The following SND1 variants were observed in gnomAD, a reference collection of about 807,000 sequenced individuals.
SND1 encodes the protein staphylococcal nuclease domain-containing protein 1.
A neutral mutation model predicts 121.7 loss-of-function variants in SND1; 38 were observed. That is an observed-to-expected ratio of 0.31 (90% CI 0.24 to 0.41). The LOEUF is 0.41. Ranked by LOEUF, SND1 falls within the 10% of genes least tolerant of loss-of-function variation. The pLI, the probability that SND1 is intolerant of heterozygous loss-of-function variation, is 1.00. For synonymous variants in SND1, 401 were observed against 447.4 expected, an observed-to-expected ratio of 0.90 and a Z score of 1.31; for missense variants, 868 against 1,184.6, an observed-to-expected ratio of 0.73 and a Z score of 3.92.
At chr7:127,875,086 C>G (rs1017899797) in intron 12 of SND1, among the ~76,000 whole-genome samples, 5 of 152,162 alleles carry the variant, frequency 3.3e-5, no homozygotes, top group African/African-American at 1.2e-4. Context: ...TGGTTTCTCT[C>G]TGGATCTGTC....
chr7:128,072,364 T>G (rs577617902), intron 16 of SND1, among the ~76,000 whole-genome samples: 1 of 152,262 alleles, frequency 6.6e-6, no homozygotes, highest in East Asian at 1.9e-4. Context: ...GAAAGGACAC[T>G]TGGCTACTAA....
chr7:127,821,104 C>T (rs564944990), intron 11 of SND1, among the ~76,000 whole-genome samples: 107 of 152,292 alleles, frequency 7.0e-4, no homozygotes, highest in African/African-American at 2.5e-3. Context: ...ATTTAGAACT[C>T]TCTGCCTTCT....
chr7:127,792,440 C>T (rs991365662), intron 10 of SND1, among the ~76,000 whole-genome samples: 1 of 152,114 alleles, frequency 6.6e-6, no homozygotes, highest in Non-Finnish European at 1.5e-5. Flanking sequence ...ACAGAAAGCA[C>T]ACCAGTTACT....
chr7:128,035,369 T>G (rs1464060982), intron 16 of SND1, among the ~76,000 whole-genome samples: 3 of 152,250 alleles, frequency 2.0e-5, no homozygotes, highest in Non-Finnish European at 4.4e-5. Flanking sequence ...GAGAATGCTT[T>G]CTTCATTTAA....
chr7:127,702,579 T>G, intron 6 of SND1, 53 bp downstream of exon 6: 1 of 1,404,734 alleles, frequency 7.1e-7, no homozygotes. Flanking sequence ...GGATGTTCAG[T>G]GATGGATTCT....
At chr7:127,897,762 A>T (rs773650120) in intron 13 of SND1, among the ~76,000 whole-genome samples, 6 of 152,152 alleles carry the variant, frequency 3.9e-5, no homozygotes, top group Non-Finnish European at 8.8e-5. Flanking sequence ...CAGGGGATTG[A>T]TTAAAATTTT....
chr7:127,660,056 G>A (rs1383431971), intron 1 of SND1, among the ~76,000 whole-genome samples: 3 of 149,296 alleles, frequency 2.0e-5, no homozygotes, highest in African/African-American at 7.5e-5. Context: ...GAAGATTAGT[G>A]GAAATATGGT....
At chr7:127,705,095 A>G (rs1390607125) in intron 8 of SND1, 150 bp downstream of exon 8, 1 of 647,586 alleles carries the variant, frequency 1.5e-6, no homozygotes, top group Non-Finnish European at 2.8e-6. Context: ...GAGTGACTTA[A>G]ATATTGGTCT....
chr7:127,902,524 G>C (rs1176592165), intron 13 of SND1, among the ~76,000 whole-genome samples: 1 of 152,156 alleles, frequency 6.6e-6, no homozygotes, highest in Non-Finnish European at 1.5e-5. Context: ...AGGGCTTTGG[G>C]GAGGTGGAAG....
intron 3 of SND1, among the ~76,000 whole-genome samples, chr7:127,698,548 A>G (rs896339846): frequency 3.3e-5 from 5 of 152,096 alleles, no homozygotes; most frequent in Admixed American, 2.0e-4. Flanking sequence ...TCACCACTTT[A>G]TACTCTCTTG....
At chr7:127,975,365 G>A (rs1428941368) in intron 15 of SND1, among the ~76,000 whole-genome samples, 2 of 150,324 alleles carry the variant, frequency 1.3e-5, no homozygotes, top group African/African-American at 5.0e-5. Context: ...GCGTGTGTAT[G>A]TGAGAGATTG....
Position 127,758,240 on chromosome 7 carries a change from T to A in SND1, c.1152+36840T>A, listed in dbSNP as rs10228500. On this transcript the variant is annotated intron_variant, in intron 10 of 23. Coordinates refer to ENST00000354725, the MANE Select transcript of SND1 (RefSeq NM_014390.4). ...TATGTACTGCTAGTACTATCCACAT[T>A]TGACAAACAAGGAAATCAAAGCTCA... 1.2e-3 allele frequency among the ~76,000 whole-genome samples: 177 copies of A among 152,338 alleles called. 1 individual carries two copies. Among genetic ancestry groups the A allele is most frequent in the African/African-American group, 4.1e-3 (170 of 41,564 alleles).
At chr7:127,975,039 C>T (rs1584708041) in intron 15 of SND1, among the ~76,000 whole-genome samples, 1 of 152,102 alleles carries the variant, frequency 6.6e-6, no homozygotes, top group Admixed American at 6.5e-5. Context: ...AGAGAAAAAG[C>T]CCTATTTGTG....
intron 8 of SND1, among the ~76,000 whole-genome samples, chr7:127,705,581 GCAGA>G (rs1796175245): frequency 6.1e-4 from 1 of 1,630 alleles, no homozygotes; most frequent in Non-Finnish European, 6.3e-3. Flanking sequence ...AGATGTAGAT[GCAGA>G]TGTAGATGTA....
chr7:127,685,504 C>T lies in SND1; in HGVS notation c.79-1109C>T, dbSNP rs576463244. ...CTGTTTGTTGTATTGTGAGTCTCTTCGCAAAGACAATTTGAATAGCTTGGG... is the reference window on the plus strand; with the variant it reads ...CTGTTTGTTGTATTGTGAGTCTCTTTGCAAAGACAATTTGAATAGCTTGGG... On this transcript the variant is annotated intron_variant, in intron 1 of 23. Transcript: ENST00000354725. 3.9e-5 allele frequency among the ~76,000 whole-genome samples: 6 copies of T among 152,304 alleles called. No homozygotes were observed. The East Asian group carries it at 5.8e-4, about 15-fold the overall frequency.
intron 17 of SND1, among the ~76,000 whole-genome samples, chr7:128,078,261 G>A (rs921691207): frequency 6.6e-6 from 1 of 152,252 alleles, no homozygotes; most frequent in African/African-American, 2.4e-5. Context: ...CAAGTCCCAA[G>A]GAACAGCTGG....
At chr7:127,749,421 C>G (rs1213427038) in intron 10 of SND1, among the ~76,000 whole-genome samples, 3 of 152,118 alleles carry the variant, frequency 2.0e-5, no homozygotes, top group African/African-American at 7.2e-5. Context: ...TGTGGGCTGT[C>G]ATTGAAGGCT....
intron 15 of SND1, among the ~76,000 whole-genome samples, chr7:127,974,975 A>G (rs1802080319): frequency 6.6e-6 from 1 of 152,146 alleles, no homozygotes; most frequent in African/African-American, 2.4e-5. Flanking sequence ...GGGGGGATCC[A>G]TTTGGGCCAG....
At chr7:127,962,892 C>T (rs1023527221) in intron 15 of SND1, among the ~76,000 whole-genome samples, 3 of 152,126 alleles carry the variant, frequency 2.0e-5, no homozygotes, top group African/African-American at 4.8e-5. Flanking sequence ...GAAATGACAC[C>T]TCTCTGAGCC....
Sources: gnomAD v4.1 joint callset for allele counts (sites outside exome capture counted in the v4.1 genomes callset) on GRCh38, gnomAD v4.1.1 for gene constraint, MANE v1.5 for transcripts, NCBI Gene and HGNC (gene_info 2026-07-23, HGNC 2026-07-21) for gene names.